The following SSU72 variants were observed in gnomAD, a reference collection of about 807,000 sequenced individuals.
SSU72 encodes SSU72 homolog, RNA polymerase II CTD phosphatase.
In SSU72, 12 loss-of-function variants were observed where a neutral mutation model predicts 22.7. The ratio of observed to expected loss-of-function variants is 0.53; its 90% CI spans 0.34 to 0.86. The LOEUF (loss-of-function observed/expected upper bound fraction) is 0.86, where lower values mean the gene tolerates loss of function less well. SSU72 is among the 40% of genes least tolerant of loss of function. The pLI is 0.02. For synonymous variants in SSU72, 116 were observed against 98.3 expected, an observed-to-expected ratio of 1.18 and a Z score of -1.06; for missense variants, 151 against 249.8, an observed-to-expected ratio of 0.60 and a Z score of 2.67.
rs562659582 is a variant in SSU72 at position 1,554,610 on chromosome 1, CAGG to C, written c.225-9611_225-9609del. ...AGAATGAGCGCAGCTGCCCATCCCA[CAGG>C]AGAACCGAGAGGCCAGGACCACACT... On this transcript the variant is annotated intron_variant, in intron 2 of 4. Transcript: ENST00000291386. The surrounding 1 kb of genome is among the most constrained non-coding windows in gnomAD (Gnocchi z 4.1). 3.9e-5 allele frequency among the ~76,000 whole-genome samples: 6 copies of C among 152,292 alleles called. No homozygotes were observed. Among genetic ancestry groups the C allele is most frequent in the Admixed American group, 3.9e-4 (6 of 15,296 alleles).
intron 1 of SSU72, among the ~76,000 whole-genome samples, chr1:1,570,449 C>T (rs1156403589): frequency 6.6e-6 from 1 of 151,784 alleles, no homozygotes; most frequent in Non-Finnish European, 1.5e-5. Flanking sequence ...CCCGTTACCC[C>T]CGAGACCCCA....
Position 1,574,660 on chromosome 1 carries a change from C to A in SSU72, c.-103G>T. ...GGCCGCGGTGGCCGGAAGCGGGCGA[C>A]GCGAAACGACGGCGCCGGCGGTGTA... On this transcript the variant is annotated 5_prime_UTR_variant, in exon 1 of 5. Coordinates refer to ENST00000291386, the MANE Select transcript of SSU72 (RefSeq NM_014188.3). 1 of 1,189,898 alleles carries A rather than the reference C, an allele frequency of 8.4e-7. No individual in the cohort carries two copies. Among genetic ancestry groups the A allele is most frequent in the South Asian group, 1.6e-5 (1 of 62,054 alleles). The allele number at this position is 1,189,898 out of a possible 1,614,324, so 73.7% of individuals were successfully genotyped here.
chr1:1,542,291 C>A lies in SSU72; in HGVS notation c.484-124G>T. The A allele has an allele frequency of 1.2e-6, 1 of 864,916 alleles. No homozygotes were observed. The highest frequency in any genetic ancestry group is 1.8e-6 in the Non-Finnish European group (1 of 556,738). 53.6% of individuals were successfully genotyped at this position (864,916 alleles called of 1,614,324 possible). A position where few individuals can be genotyped will look rare whatever the true frequency, so the allele number is the denominator to read the frequency against. On this transcript the variant is annotated intron_variant, in intron 4 of 4. Coordinates refer to ENST00000291386, the MANE Select transcript of SSU72 (RefSeq NM_014188.3). The surrounding 1 kb of genome is among the most constrained non-coding windows in gnomAD (Gnocchi z 4.4). ...GAAACCAGCGCAGCAGGCAGGCCCT[C>A]ACCCCACCGCTGCTGCCTCACAAGG...
At position 1,546,845 on chromosome 1, in the gene SSU72, AAAC is replaced by A. The variant is rs764603336; in HGVS notation, c.225-1846_225-1844del. On this transcript the variant is annotated intron_variant, in intron 2 of 4. Coordinates refer to ENST00000291386, the MANE Select transcript of SSU72 (RefSeq NM_014188.3). ...GCGACAGAGTAAAACTCCTTCTGGA[AAAC>A]AACAACAACAACAAAAAAAAAAAAA... is the stretch of plus-strand genomic sequence containing the variant. Among the ~76,000 whole-genome samples the A allele has an allele frequency of 1.6e-3, 170 of 106,498 alleles. 2 individuals carry two copies. The highest frequency in any genetic ancestry group is 8.8e-3 in the Middle Eastern group (2 of 228). The allele number at this position is 106,498 out of a possible 152,430, so 69.9% of individuals were successfully genotyped here.
At chr1:1,557,576 C>T (rs952754994) in intron 2 of SSU72, among the ~76,000 whole-genome samples, 37 of 152,212 alleles carry the variant, frequency 2.4e-4, no homozygotes, top group African/African-American at 8.4e-4. Flanking sequence ...GGTGGTTCAC[C>T]GGAGGTCAGG....
At chr1:1,567,905 T>G (rs563200677) in intron 1 of SSU72, among the ~76,000 whole-genome samples, 2 of 55,988 alleles carry the variant, frequency 3.6e-5, no homozygotes, top group Non-Finnish European at 5.1e-5. Context: ...AGAGCGATAC[T>G]CTGTTTCAAA....
chr1:1,567,125 C>A (rs1311978779), intron 1 of SSU72, among the ~76,000 whole-genome samples: 2 of 152,254 alleles, frequency 1.3e-5, no homozygotes, highest in African/African-American at 2.4e-5. Context: ...GTAGAATAAT[C>A]CATCCATGGG....
Position 1,543,938 on chromosome 1 carries a change from A to G in SSU72, c.414T>C (p.Asn138=), listed in dbSNP as rs1642358202. ...QETCQPVHVV[N]VDIQDNHEEA... Reference sequence around the variant, plus strand: ...CCTCGTGGTTGTCCTGGATGTCCACATTGACCACGTGCACAGGCTGGCAGG... The same window carrying G: ...CCTCGTGGTTGTCCTGGATGTCCACGTTGACCACGTGCACAGGCTGGCAGG... The change falls in exon 4 of 5, where the codon AAT becomes AAC. Residue 138 remains asparagine, a synonymous_variant. Transcript: ENST00000291386. 3 of 1,613,988 alleles carry G rather than the reference A, an allele frequency of 1.9e-6. No homozygotes were observed. The highest frequency in any genetic ancestry group is 2.5e-6 in the Non-Finnish European group (3 of 1,179,994).
intron 2 of SSU72, among the ~76,000 whole-genome samples, chr1:1,555,556 C>T (rs915484727): frequency 7.2e-5 from 11 of 152,184 alleles, no homozygotes; most frequent in African/African-American, 2.2e-4. Flanking sequence ...ACGGCAGCTC[C>T]GTACTCAGAA....
At position 1,548,694 on chromosome 1, in the gene SSU72, G is replaced by A. The variant is rs796460064; in HGVS notation, c.225-3692C>T. On this transcript the variant is annotated intron_variant, in intron 2 of 4. Transcript: ENST00000291386. ...CCCTGCCCTGGCTTCCACATGGACC[G>A]CGGTGAGGAAGGTAGCTCCGCTCAC... 8.5e-5 allele frequency among the ~76,000 whole-genome samples: 13 copies of A among 152,238 alleles called. No homozygotes were observed. The East Asian group carries it at 1.2e-3, about 14-fold the overall frequency.
chr1:1,553,560 G>C (rs1642479412), intron 2 of SSU72, among the ~76,000 whole-genome samples: 1 of 150,750 alleles, frequency 6.6e-6, no homozygotes, highest in Non-Finnish European at 1.5e-5. Context: ...CAGATCATAA[G>C]GTCAGGAGAT....
At chr1:1,555,051 A>C (rs1001266602) in intron 2 of SSU72, among the ~76,000 whole-genome samples, 2 of 152,100 alleles carry the variant, frequency 1.3e-5, no homozygotes, top group African/African-American at 4.8e-5. Flanking sequence ...CCTGACAGAC[A>C]CACCCACGAG....
chr1:1,564,776 T>A lies in SSU72; in HGVS notation c.221A>T (p.Glu74Val). The A allele has an allele frequency of 6.2e-7, 1 of 1,614,200 alleles. No individual in the cohort carries two copies. The highest frequency in any genetic ancestry group is 2.2e-5 in the East Asian group (1 of 44,888). ...AAAGGGCAACCCGCTGGGATACAGT[T>A]CTTTGTCTTTCCTAAGAAGATCATT... ...MYNDLLRKDKELYTQNGILHM... is the reference protein window; with the variant it reads ...MYNDLLRKDKVLYTQNGILHM... Residue 74 changes from glutamate to valine, a missense_variant, in exon 2 of 5, where the codon GAA (glutamate) becomes GTA (valine). Physicochemically the swap from Glu to Val is moderately radical, Grantham distance 121 (BLOSUM62 -2). Transcript: ENST00000291386.
intron 2 of SSU72, among the ~76,000 whole-genome samples, chr1:1,553,429 G>A (rs1036988295): frequency 2.0e-5 from 3 of 152,042 alleles, no homozygotes; most frequent in South Asian, 2.1e-4. Context: ...TTAGGAAATC[G>A]AGATCATCCT....
At chr1:1,556,447 A>C (rs1005660129) in intron 2 of SSU72, among the ~76,000 whole-genome samples, 3 of 152,168 alleles carry the variant, frequency 2.0e-5, no homozygotes, top group African/African-American at 7.2e-5. Flanking sequence ...GGGCTGAGGC[A>C]GGAGAATCGC....
At chr1:1,556,869 A>G (rs1199792362) in intron 2 of SSU72, among the ~76,000 whole-genome samples, 2 of 152,222 alleles carry the variant, frequency 1.3e-5, no homozygotes, top group Non-Finnish European at 2.9e-5. Context: ...GCACAGCTGC[A>G]TTCTGTCCAG....
intron 2 of SSU72, chr1:1,561,015 T>G (rs1304042054): frequency 6.6e-6 from 1 of 152,230 alleles, no homozygotes; most frequent in Non-Finnish European, 1.5e-5. Context: ...CAGATGGCAG[T>G]GGTGGGGTCC....
intron 2 of SSU72, among the ~76,000 whole-genome samples, chr1:1,550,546 T>G (rs1035744713): frequency 6.6e-6 from 1 of 152,196 alleles, no homozygotes; most frequent in Non-Finnish European, 1.5e-5. Flanking sequence ...GCCTGGGCCC[T>G]TGCCTCTCGC....
chr1:1,574,360 G>T, intron 1 of SSU72, 118 bp downstream of exon 1: 2 of 1,110,320 alleles, frequency 1.8e-6, no homozygotes, highest in East Asian at 3.2e-5. Flanking sequence ...GCCGACCCAC[G>T]AGCGCGGCCC....
Sources: gnomAD v4.1 joint callset for allele counts (sites outside exome capture counted in the v4.1 genomes callset) on GRCh38, gnomAD v4.1.1 for gene constraint, Gnocchi (gnomAD v3.1) non-coding constraint, MANE v1.5 for transcripts, NCBI Gene and HGNC (gene_info 2026-07-23, HGNC 2026-07-21) for gene names.